COPS2: variants seen among roughly 807,000 people sequenced by gnomAD.
COPS2 encodes COP9 signalosome subunit 2, also known as COP9 signalosome complex subunit 2.
COPS2 carries 10 observed loss-of-function variants against 66.1 expected under a neutral mutation model. That is an observed-to-expected ratio of 0.15 (90% CI 0.09 to 0.26). The LOEUF is 0.26. Ranked by LOEUF, COPS2 falls within the 10% of genes least tolerant of loss-of-function variation. The pLI is 1.00. For synonymous variants in COPS2, 179 were observed against 171.3 expected (o/e 1.04, Z -0.35); for missense variants, 215 against 513.3 (o/e 0.42, Z 5.62).
chr15:49,133,636 C>A, intron 9 of COPS2, 123 bp downstream of exon 9: 1 of 629,356 alleles, frequency 1.6e-6, no homozygotes. Flanking sequence ...ATTCTACAAA[C>A]TTTTCTAAGA....
chr15:49,144,442 T>G (rs1245558249), intron 2 of COPS2, 138 bp from the exon 3 acceptor site: 1 of 561,584 alleles, frequency 1.8e-6, no homozygotes, highest in Non-Finnish European at 3.1e-6. Flanking sequence ...CATTTCTCAA[T>G]GTCATTTTTC....
intron 1 of COPS2, among the ~76,000 whole-genome samples, chr15:49,149,836 G>A (rs2084346262): frequency 6.6e-6 from 1 of 152,126 alleles, no homozygotes; most frequent in Admixed American, 6.5e-5. Flanking sequence ...AGAGGTACAT[G>A]GCAGTTGTTT....
Position 49,155,191 on chromosome 15 carries a change from G to A in COPS2, c.54+334C>T, listed in dbSNP as rs78923085. ...AAAGCCAGGGCCTACACCGCAGCAT[G>A]GTCACCGAGGCGGCTAGCGCGGTGG... On this transcript the variant is annotated intron_variant, in intron 1 of 12. Coordinates refer to ENST00000388901, the MANE Select transcript of COPS2 (RefSeq NM_004236.4). 0.011 allele frequency among the ~76,000 whole-genome samples: 1,619 copies of A among 152,378 alleles called. 65 individuals carry two copies. The East Asian group carries it at 0.13, about 12-fold the overall frequency.
chr15:49,149,678 G>A (rs1017299621), intron 1 of COPS2, among the ~76,000 whole-genome samples: 1 of 152,172 alleles, frequency 6.6e-6, no homozygotes, highest in Non-Finnish European at 1.5e-5. Flanking sequence ...CGCTACTGCT[G>A]AACAGGATCA....
intron 1 of COPS2, 22 bp downstream of exon 1, chr15:49,155,503 A>G (rs759069771): frequency 9.3e-6 from 15 of 1,613,308 alleles, no homozygotes; most frequent in Admixed American, 3.3e-5. Flanking sequence ...CCACCCTCAG[A>G]GTTCCATTCC....
chr15:49,147,883 A>T (rs763688940), intron 1 of COPS2, among the ~76,000 whole-genome samples: 38 of 152,212 alleles, frequency 2.5e-4, no homozygotes, highest in Non-Finnish European at 5.0e-4. Flanking sequence ...TCTTAAACAA[A>T]TGTTATTGCT....
At chr15:49,152,921 T>C (rs2084372704) in intron 1 of COPS2, among the ~76,000 whole-genome samples, 1 of 152,132 alleles carries the variant, frequency 6.6e-6, no homozygotes, top group Non-Finnish European at 1.5e-5. Flanking sequence ...GTTAAAACAC[T>C]GTATGTTTAA....
intron 9 of COPS2, 89 bp downstream of exon 9, chr15:49,133,670 A>G (rs2084231759): frequency 1.2e-6 from 1 of 819,262 alleles, no homozygotes; most frequent in South Asian, 1.7e-5. Flanking sequence ...CAAATGTTGA[A>G]TATTAACTGA....
At chr15:49,131,123 T>C (rs112405082) in intron 9 of COPS2, among the ~76,000 whole-genome samples, 5 of 152,276 alleles carry the variant, frequency 3.3e-5, no homozygotes, top group African/African-American at 9.6e-5. Flanking sequence ...AAGTTGGCAA[T>C]AAAACATTTA....
chr15:49,139,596 C>A lies in COPS2; in HGVS notation c.304G>T (p.Ala102Ser), dbSNP rs1168726113. Residue 102 changes from alanine to serine, a missense_variant, in exon 4 of 13, where the codon GCA becomes TCA. Physicochemically the swap from Ala to Ser is moderately conservative, Grantham distance 99. This residue lies in a region of COPS2 where 90 missense variants were observed against 225.1 expected (regional missense o/e 0.40). Transcript: ENST00000388901. ...TTTTCAGAATAATTTCTTGTGACTG[C>A]ACTCCGAATATAGGTCAATAGCTGC... is the stretch of plus-strand genomic sequence containing the variant. ...YKQLLTYIRS[A>S]VTRNYSEKSI... is the part of the protein sequence containing the mutation. The A allele has an allele frequency of 6.2e-7, 1 of 1,600,262 alleles. No individual in the cohort carries two copies. Among genetic ancestry groups the A allele is most frequent in the Admixed American group, 1.7e-5 (1 of 59,436 alleles).
At chr15:49,134,958 TCA>T (rs1223394411) in intron 6 of COPS2, among the ~76,000 whole-genome samples, 3 of 152,180 alleles carry the variant, frequency 2.0e-5, no homozygotes, top group Non-Finnish European at 2.9e-5. Flanking sequence ...CAACATTAAA[TCA>T]CAGTTTCTAA....
chr15:49,142,988 A>G (rs374743957), intron 3 of COPS2, among the ~76,000 whole-genome samples: 47 of 152,330 alleles, frequency 3.1e-4, no homozygotes, highest in African/African-American at 1.1e-3. Flanking sequence ...GCAAAGAAAA[A>G]GAGCAAAGAA....
At chr15:49,130,511 T>C (rs942140243) in intron 10 of COPS2, among the ~76,000 whole-genome samples, 2 of 152,164 alleles carry the variant, frequency 1.3e-5, no homozygotes, top group Non-Finnish European at 2.9e-5. Flanking sequence ...TATATAAACT[T>C]GACTATAGTA....
chr15:49,139,643 G>A lies in COPS2; in HGVS notation c.257C>T (p.Pro86Leu). The A allele has an allele frequency of 2.5e-6, 4 of 1,582,880 alleles. No individual in the cohort carries two copies. The highest frequency in any genetic ancestry group is 3.4e-6 in the Non-Finnish European group (4 of 1,168,650). Reference sequence around the variant, plus strand: ...CTGCTTATATCTATTCATCATTTCTGGAAAGTTTGTCTGTGAGAAAAGAAA... The same window carrying A: ...CTGCTTATATCTATTCATCATTTCTAGAAAGTTTGTCTGTGAGAAAAGAAA... ...IKINFKLTNF[P>L]EMMNRYKQLL... The change falls in exon 4 of 13, where the codon CCA (proline) becomes CTA (leucine). Residue 86 changes from proline (P) to leucine (L), a missense_variant. This residue lies in a region of COPS2 where 90 missense variants were observed against 225.1 expected (regional missense o/e 0.40). Transcript: ENST00000388901.
chr15:49,128,781 T>C, intron 11 of COPS2, 21 bp from the exon 12 acceptor site: 1 of 1,500,864 alleles, frequency 6.7e-7, no homozygotes, highest in Non-Finnish European at 9.2e-7. Context: ...AGACTTGTTA[T>C]ATACCAATTA....
chr15:49,155,478 A>C, intron 1 of COPS2, 47 bp downstream of exon 1: 1 of 1,602,432 alleles, frequency 6.2e-7, no homozygotes. Flanking sequence ...CGGACCCCGA[A>C]AACAAGACAC....
At chr15:49,137,054 A>G (rs950884556) in intron 6 of COPS2, 96 bp downstream of exon 6, 17 of 755,926 alleles carry the variant, frequency 2.2e-5, no homozygotes, top group Middle Eastern at 3.8e-4. Flanking sequence ...TAATGCTTAA[A>G]CTAAAACATC....
At chr15:49,140,734 T>C (rs548169252) in intron 3 of COPS2, among the ~76,000 whole-genome samples, 1 of 152,304 alleles carries the variant, frequency 6.6e-6, no homozygotes, top group East Asian at 1.9e-4. Context: ...ACCTCTCTTT[T>C]TACTGAGTTC....
chr15:49,140,989 C>T (rs77002833), intron 3 of COPS2, among the ~76,000 whole-genome samples: 2 of 98,544 alleles, frequency 2.0e-5, no homozygotes, highest in African/African-American at 7.4e-5. Flanking sequence ...GTGGATGGGA[C>T]AAAAAAAAAA....
Sources: gnomAD v4.1 joint callset for allele counts (sites outside exome capture counted in the v4.1 genomes callset) on GRCh38, gnomAD v4.1.1 for gene constraint, gnomAD v4.1.1 regional missense constraint, MANE v1.5 for transcripts, NCBI Gene and HGNC (gene_info 2026-07-23, HGNC 2026-07-21) for gene names.